Variants in UBE3B observed in about 807,000 individuals in gnomAD.
UBE3B encodes ubiquitin protein ligase E3B.
In UBE3B, 80 loss-of-function variants were observed where a neutral mutation model predicts 132.3. The ratio of observed to expected loss-of-function variants is 0.60; its 90% CI spans 0.50 to 0.73. The LOEUF is 0.73. UBE3B is among the 30% of genes least tolerant of loss of function. The pLI is 0.00. For synonymous variants in UBE3B, 487 were observed against 520.4 expected, an observed-to-expected ratio of 0.94 and a Z score of 0.87; for missense variants, 1,196 against 1,362.5, an observed-to-expected ratio of 0.88 and a Z score of 1.92.
At chr12:109,518,903 A>G (rs1423497375) in intron 19 of UBE3B, among the ~76,000 whole-genome samples, 2 of 152,174 alleles carry the variant, frequency 1.3e-5, no homozygotes, top group Non-Finnish European at 2.9e-5. Flanking sequence ...GGTTATTAGA[A>G]TATGAGAGCC....
chr12:109,504,879 A>G (rs551944071), intron 14 of UBE3B, among the ~76,000 whole-genome samples: 35 of 151,032 alleles, frequency 2.3e-4, no homozygotes, highest in African/African-American at 8.5e-4. Context: ...ATCTCGGCTC[A>G]ACTGCAGGCT....
chr12:109,525,409 C>T (rs1212323736), intron 23 of UBE3B, among the ~76,000 whole-genome samples: 1 of 152,186 alleles, frequency 6.6e-6, no homozygotes, highest in African/African-American at 2.4e-5. Flanking sequence ...AGCTCACGGG[C>T]AGGGTGTTCC....
At chr12:109,533,954 C>T (rs980382389) in intron 27 of UBE3B, 28 of 1,308,476 alleles carry the variant, frequency 2.1e-5, no homozygotes, top group Non-Finnish European at 2.7e-5. Flanking sequence ...GCAGGCTGTG[C>T]ACGTCCAGGC....
At chr12:109,527,274 C>A (rs1882451211) in intron 24 of UBE3B, among the ~76,000 whole-genome samples, 1 of 152,190 alleles carries the variant, frequency 6.6e-6, no homozygotes, top group African/African-American at 2.4e-5. Context: ...TCCCTAGAAG[C>A]AAAACCTCTC....
rs1881822737 is a variant in UBE3B, at chr12:109,522,408, C to T, written c.2364+857C>T. Among the ~76,000 whole-genome samples the T allele has an allele frequency of 6.6e-6, 1 of 152,134 alleles. No individual in the cohort carries two copies. Among genetic ancestry groups the T allele is most frequent in the East Asian group, 1.9e-4 (1 of 5,186 alleles). On this transcript the variant is annotated intron_variant, in intron 21 of 27. Transcript: ENST00000342494. The surrounding 1 kb of genome is among the most constrained non-coding windows in gnomAD (Gnocchi z 4.2). ...CCTGTTCCTTGGGAGAGTCCTGTTT[C>T]CCAGGAGGAAGGAAAGCTGCAGCAC...
chr12:109,509,710 T>C lies in UBE3B; in HGVS notation c.1737T>C (p.Ile579=). ...TGTTTAAGATGATCTGGGATGGAAT[T>C]GTAGGTAAGAGAAAAGGTGTCTGCT... ...SFVFKMIWDG[I]VENAKGETLE... is the part of the protein sequence containing the mutation. Residue 579 remains isoleucine (I), a synonymous_variant, in exon 16 of 28, where the codon ATT becomes ATC. Transcript: ENST00000342494. 6.3e-7 allele frequency: 1 copy of C among 1,599,652 alleles called. No individual in the cohort carries two copies. The highest frequency in any genetic ancestry group is 8.5e-7 in the Non-Finnish European group (1 of 1,174,256).
At chr12:109,496,423 TGTG>T (rs1322398566) in intron 9 of UBE3B, among the ~76,000 whole-genome samples, 3 of 152,262 alleles carry the variant, frequency 2.0e-5, no homozygotes, top group African/African-American at 7.2e-5. Flanking sequence ...CCCTGGGTCA[TGTG>T]GTAACTCCAT....
rs771821223 is a variant in UBE3B at position 109,522,908 on chromosome 12, C to T, written c.2365-1070C>T. ...GTTAAAAATCCCATTAGGACCCACC[C>T]GAGCACATGGCATATGTTTTCCTTT... On this transcript the variant is annotated intron_variant, in intron 21 of 27. Coordinates refer to ENST00000342494, the MANE Select transcript of UBE3B (RefSeq NM_130466.4). This position sits in a 1 kb window ranked among gnomAD's most constrained non-coding sequence, Gnocchi z 4.2. 6.6e-6 allele frequency among the ~76,000 whole-genome samples: 1 copy of T among 152,212 alleles called. No homozygotes were observed. Among genetic ancestry groups the T allele is most frequent in the Non-Finnish European group, 1.5e-5 (1 of 68,032 alleles).
chr12:109,497,558 A>C (rs1294066451), intron 9 of UBE3B, among the ~76,000 whole-genome samples: 1 of 151,862 alleles, frequency 6.6e-6, no homozygotes, highest in Non-Finnish European at 1.5e-5. Context: ...CTTTTTTTAA[A>C]GTTCATTGTA....
chr12:109,518,093 C>T (rs1881278783), intron 19 of UBE3B: 1 of 264,124 alleles, frequency 3.8e-6, no homozygotes, highest in Non-Finnish European at 8.0e-6. Flanking sequence ...GGTCTCATTA[C>T]AGGAGCATTC....
the UBE3B span, among the ~76,000 whole-genome samples, chr12:109,541,770 C>A: frequency 5.3e-5 from 8 of 152,224 alleles, no homozygotes; most frequent in South Asian, 6.2e-4. Context: ...GAAGCCTGCC[C>A]TGCCTCTTCT....
chr12:109,508,423 G>A, intron 15 of UBE3B: 2 of 734,186 alleles, frequency 2.7e-6, no homozygotes, highest in Non-Finnish European at 3.3e-6. Context: ...GCAGTGCCTG[G>A]CACAGAGTGG....
intron 5 of UBE3B, 70 bp downstream of exon 5, chr12:109,486,141 C>A: frequency 6.7e-7 from 1 of 1,488,834 alleles, no homozygotes; most frequent in Non-Finnish European, 9.0e-7. Context: ...CTGAAAGTTC[C>A]TGTTGAATAT....
At position 109,529,771 on chromosome 12, in the gene UBE3B, G is replaced by A. The variant is rs184463990; in HGVS notation, c.2628-119G>A. On this transcript the variant is annotated intron_variant, in intron 24 of 27. Transcript: ENST00000342494. Reference sequence around the variant, plus strand: ...GTCATTGTTCTGATGAAACACTCTGGTACTATTTGTGTTTTTTGTAAAATG... The same window carrying A: ...GTCATTGTTCTGATGAAACACTCTGATACTATTTGTGTTTTTTGTAAAATG... 1.6e-4 allele frequency: 188 copies of A among 1,144,880 alleles called. No individual in the cohort carries two copies. In the African/African-American group the frequency reaches 2.4e-3, roughly 15 times the overall value. The allele number at this position is 1,144,880 out of a possible 1,614,324, so 70.9% of individuals were successfully genotyped here. A position where few individuals can be genotyped will look rare whatever the true frequency, so the allele number is the denominator to read the frequency against.
chr12:109,486,803 A>G (rs1876549712), intron 6 of UBE3B, among the ~76,000 whole-genome samples: 1 of 152,110 alleles, frequency 6.6e-6, no homozygotes, highest in Admixed American at 6.6e-5. Flanking sequence ...ATGGCAGGGA[A>G]TCTGTCACTT....
rs758034388 is a variant in UBE3B, at chr12:109,510,427, C to T, written c.1825C>T (p.Arg609Cys). The T allele has an allele frequency of 3.0e-5, 49 of 1,612,536 alleles. No homozygotes were observed. The highest frequency in any genetic ancestry group is 9.9e-5 in the South Asian group (9 of 90,632). The change falls in exon 17 of 28, where the codon CGC (arginine) becomes TGC (cysteine). Residue 609 changes from arginine to cysteine, a missense_variant. Physicochemically the swap from Arg to Cys is radical, Grantham distance 180. Coordinates refer to ENST00000342494, the MANE Select transcript of UBE3B (RefSeq NM_130466.4). ...GCTGTACGAGCGGGACTGCCGGCGG[C>T]GCTTCACCCCCGAGGACCACTGGCT... ...MVLYERDCRR[R>C]FTPEDHWLRK...
At chr12:109,504,481 C>T (rs1386403335) in intron 14 of UBE3B, among the ~76,000 whole-genome samples, 5 of 152,152 alleles carry the variant, frequency 3.3e-5, no homozygotes, top group African/African-American at 1.2e-4. Context: ...AAGAAGATAC[C>T]AGGTTGTTGG....
intron 19 of UBE3B, chr12:109,517,972 G>T: frequency 2.2e-6 from 1 of 448,634 alleles, no homozygotes; most frequent in Non-Finnish European, 4.5e-6. Context: ...TGCTAGGAAG[G>T]CAGTGTGTGC....
chr12:109,501,028 C>T (rs11066955), intron 12 of UBE3B, among the ~76,000 whole-genome samples: 1 of 152,032 alleles, frequency 6.6e-6, no homozygotes, highest in Non-Finnish European at 1.5e-5. Context: ...CTAGATTTGG[C>T]CCCCCACCAC....
Sources: gnomAD v4.1 joint callset for allele counts (sites outside exome capture counted in the v4.1 genomes callset) on GRCh38, gnomAD v4.1.1 for gene constraint, Gnocchi (gnomAD v3.1) non-coding constraint, MANE v1.5 for transcripts, NCBI Gene and HGNC (gene_info 2026-07-23, HGNC 2026-07-21) for gene names.